The following RABGAP1L variants were observed in gnomAD, a reference collection of about 807,000 sequenced individuals.
RABGAP1L encodes rab GTPase-activating protein 1-like.
RABGAP1L carries 63 observed loss-of-function variants against 137.7 expected under a neutral mutation model. The observed-to-expected ratio is 0.46, with a 90% CI of 0.37 to 0.56. The LOEUF (loss-of-function observed/expected upper bound fraction) is 0.56. RABGAP1L is among the 20% of genes least tolerant of loss of function. The pLI is 0.00. For synonymous variants in RABGAP1L, 431 were observed against 433.7 expected, an observed-to-expected ratio of 0.99 and a Z score of 0.08; for missense variants, 1,095 against 1,244.0, an observed-to-expected ratio of 0.88 and a Z score of 1.80.
At chr1:174,565,484 A>G (rs1479442627) in intron 13 of RABGAP1L, among the ~76,000 whole-genome samples, 1 of 151,960 alleles carries the variant, frequency 6.6e-6, no homozygotes, top group African/African-American at 2.4e-5. Flanking sequence ...TTGACTAGTT[A>G]CTTTCTTCTT....
At position 174,780,095 on chromosome 1, in the gene RABGAP1L, TAAATAAATAAATA is replaced by T. The variant is rs1558070421; in HGVS notation, c.2211+27744_2211+27756del. ...ATAAATAAATAAATAAATAAATAAA[TAAATAAATAAATA>T]AATAAATAAATTAAATAAGCCCTAA... On this transcript the variant is annotated intron_variant, in intron 18 of 25. Transcript: ENST00000681986. Among the ~76,000 whole-genome samples, 18 of 150,508 alleles carry T rather than the reference TAAATAAATAAATA, an allele frequency of 1.2e-4. No homozygotes were observed. In the South Asian group the frequency reaches 1.3e-3, roughly 11 times the overall value.
At chr1:174,677,061 C>A (rs537778714) in intron 14 of RABGAP1L, among the ~76,000 whole-genome samples, 2 of 151,216 alleles carry the variant, frequency 1.3e-5, no homozygotes, top group South Asian at 2.1e-4. Flanking sequence ...GTGGCTCATG[C>A]GTGTAATCCA....
chr1:174,386,642 G>C (rs1447019380), intron 12 of RABGAP1L, among the ~76,000 whole-genome samples: 7 of 151,914 alleles, frequency 4.6e-5, no homozygotes, highest in Non-Finnish European at 1.0e-4. Flanking sequence ...TGGGTAGCTG[G>C]GATTACAGGT....
intron 22 of RABGAP1L, among the ~76,000 whole-genome samples, chr1:174,976,390 C>G (rs1168216763): frequency 6.6e-6 from 1 of 152,018 alleles, no homozygotes; most frequent in Non-Finnish European, 1.5e-5. Flanking sequence ...GGCAGTATTT[C>G]TACCCTTGAA....
intron 13 of RABGAP1L, among the ~76,000 whole-genome samples, chr1:174,617,528 T>C (rs1420633264): frequency 2.0e-5 from 3 of 152,224 alleles, no homozygotes; most frequent in Non-Finnish European, 4.4e-5. Flanking sequence ...TCCTATTCTT[T>C]TGTATTGATG....
chr1:174,986,698 A>C (rs914941807), intron 24 of RABGAP1L, among the ~76,000 whole-genome samples: 2 of 152,208 alleles, frequency 1.3e-5, no homozygotes, highest in African/African-American at 2.4e-5. Flanking sequence ...GGCCACAGGG[A>C]TCTCTCATCT....
chr1:174,790,219 AAAGAG>A (rs1044116097), intron 18 of RABGAP1L, among the ~76,000 whole-genome samples: 6 of 152,142 alleles, frequency 3.9e-5, no homozygotes, highest in Non-Finnish European at 4.4e-5. Flanking sequence ...CAAAAAAAAA[AAAGAG>A]AATACGTAAC....
intron 11 of RABGAP1L, among the ~76,000 whole-genome samples, chr1:174,349,833 A>G (rs1158411844): frequency 2.8e-3 from 242 of 85,840 alleles, no homozygotes; most frequent in East Asian, 6.4e-3. Flanking sequence ...CTCACCTCCC[A>G]GACGGGGCGG....
At chr1:174,354,248 T>TA (rs1191209867) in intron 11 of RABGAP1L, among the ~76,000 whole-genome samples, 1 of 151,608 alleles carries the variant, frequency 6.6e-6, no homozygotes, top group African/African-American at 2.4e-5. Context: ...CTTTTTTTTT[T>TA]AAATTCAATT....
At chr1:174,491,038 C>T (rs981117308) in intron 13 of RABGAP1L, among the ~76,000 whole-genome samples, 3 of 152,126 alleles carry the variant, frequency 2.0e-5, no homozygotes, top group Non-Finnish European at 2.9e-5. Context: ...TCGGGGACCC[C>T]AAGAACCTGC....
Position 174,987,602 on chromosome 1 carries a change from G to T in RABGAP1L, c.2806-1039G>T, listed in dbSNP as rs77681721. Among the ~76,000 whole-genome samples, 1,361 of 152,330 alleles carry T rather than the reference G, an allele frequency of 8.9e-3. 23 individuals are homozygous for T. Among genetic ancestry groups the T allele is most frequent in the African/African-American group, 0.032 (1,312 of 41,582 alleles). ...TGTGGTGGAGAGTTGCTTTTTGTGT[G>T]TGTGAAGAGAGGAGGATGGGCACGG... On this transcript the variant is annotated intron_variant, in intron 24 of 25. Coordinates refer to ENST00000681986, the MANE Select transcript of RABGAP1L (RefSeq NM_001366446.1).
At chr1:174,803,273 T>G (rs899712772) in intron 18 of RABGAP1L, among the ~76,000 whole-genome samples, 3 of 152,226 alleles carry the variant, frequency 2.0e-5, no homozygotes, top group African/African-American at 7.2e-5. Flanking sequence ...AATTTTTGCT[T>G]GTTACCCTTC....
chr1:174,256,180 C>T (rs184049695), intron 7 of RABGAP1L, among the ~76,000 whole-genome samples: 47 of 152,336 alleles, frequency 3.1e-4, no homozygotes, highest in Non-Finnish European at 6.5e-4. Context: ...CAGCCTTCCT[C>T]TGTCTCTTAA....
At chr1:174,333,286 C>T (rs1187664155) in intron 11 of RABGAP1L, among the ~76,000 whole-genome samples, 2 of 152,208 alleles carry the variant, frequency 1.3e-5, no homozygotes, top group South Asian at 2.1e-4. Context: ...TGTAACGCAT[C>T]GGATATTTCA....
chr1:174,748,405 A>G lies in RABGAP1L; in HGVS notation c.2170-3908A>G, dbSNP rs571082607. On this transcript the variant is annotated intron_variant, in intron 17 of 25. Transcript: ENST00000681986. ...CTTGAGGGGGTGATTCTAGCCTGTT[A>G]CTAAACACATATGTAAACCAAAAAC... Among the ~76,000 whole-genome samples, 5 of 152,314 alleles carry G rather than the reference A, an allele frequency of 3.3e-5. No individual in the cohort carries two copies. The South Asian group carries it at 1.0e-3, about 32-fold the overall frequency.
At chr1:174,528,120 TGAAGA>T (rs1664072276) in intron 13 of RABGAP1L, among the ~76,000 whole-genome samples, 1 of 152,106 alleles carries the variant, frequency 6.6e-6, no homozygotes, top group African/African-American at 2.4e-5. Flanking sequence ...ATCTATTAAG[TGAAGA>T]GTTTAATTCA....
chr1:174,846,062 C>T (rs1359177163), intron 19 of RABGAP1L, among the ~76,000 whole-genome samples: 6 of 151,202 alleles, frequency 4.0e-5, no homozygotes, highest in Admixed American at 2.6e-4. Context: ...TCTGTGGGAT[C>T]GGTGGTGATA....
chr1:174,300,960 C>A (rs1272906696), intron 10 of RABGAP1L, among the ~76,000 whole-genome samples: 1 of 152,176 alleles, frequency 6.6e-6, no homozygotes, highest in Non-Finnish European at 1.5e-5. Context: ...GTCACTTTGC[C>A]AGTCGGAGAC....
Position 174,327,956 on chromosome 1 carries a change from A to AATAT in RABGAP1L, c.1465+22849_1465+22852dup, listed in dbSNP as rs1180255952. 8.4e-3 allele frequency among the ~76,000 whole-genome samples: 821 copies of AATAT among 97,772 alleles called. 6 individuals are homozygous for AATAT. Among genetic ancestry groups the AATAT allele is most frequent in the Non-Finnish European group, 0.011 (580 of 52,034 alleles). 64.1% of individuals were successfully genotyped at this position (97,772 alleles called of 152,430 possible). A position where few individuals can be genotyped will look rare whatever the true frequency, so the allele number is the denominator to read the frequency against. On this transcript the variant is annotated intron_variant, in intron 11 of 25. Coordinates refer to ENST00000681986, the MANE Select transcript of RABGAP1L (RefSeq NM_001366446.1). ...AGAGCAAAAGGATATAACAGTTGTAAATATATATATATATATATATATACA... is the reference window on the plus strand; with the variant it reads ...AGAGCAAAAGGATATAACAGTTGTAAATATATATATATATATATATATATATACA...
Sources: allele counts gnomAD v4.1 joint callset (sites outside exome capture counted in the v4.1 genomes callset), GRCh38; gene constraint gnomAD v4.1.1; transcripts MANE v1.5; gene names NCBI Gene and HGNC (gene_info 2026-07-23, HGNC 2026-07-21).